CDH18: variants seen among roughly 807,000 people sequenced by gnomAD.
CDH18 encodes cadherin 18, also known as cadherin-18.
A neutral mutation model predicts 67.9 loss-of-function variants in CDH18; 31 were observed. The ratio of observed to expected loss-of-function variants is 0.46; its 90% CI spans 0.34 to 0.62. CDH18 has a LOEUF of 0.62. CDH18 is among the 20% of genes least tolerant of loss of function. CDH18 has a pLI of 0.01. For synonymous variants in CDH18, 362 were observed against 347.2 expected (o/e 1.04, Z -0.48); for missense variants, 890 against 975.5 (o/e 0.91, Z 1.17).
intron 8 of CDH18, among the ~76,000 whole-genome samples, chr5:19,560,448 G>A (rs530747469): frequency 6.6e-6 from 1 of 152,182 alleles, no homozygotes; most frequent in South Asian, 2.1e-4. Context: ...TGGGATAACT[G>A]GCAAGCCACA....
At position 20,553,593 on chromosome 5, in the gene CDH18, G is replaced by C. The variant is rs1326345876; in HGVS notation, c.-580+21869C>G. On this transcript the variant is annotated intron_variant, in intron 1 of 14. Transcript: ENST00000507958. ...ACTTTAACCATGTTCCCAGGAAGAT[G>C]GACTACAGATTAGATGTCCCATGTA... Among the ~76,000 whole-genome samples the C allele has an allele frequency of 2.6e-5, 4 of 152,274 alleles. No homozygotes were observed. The East Asian group carries it at 7.7e-4, about 29-fold the overall frequency.
At chr5:20,236,082 A>G (rs1742453140) in intron 2 of CDH18, among the ~76,000 whole-genome samples, 1 of 152,076 alleles carries the variant, frequency 6.6e-6, no homozygotes, top group Non-Finnish European at 1.5e-5. Context: ...GTCATACAAG[A>G]GGTGAGGAGG....
Position 19,833,801 on chromosome 5 carries a change from C to T in CDH18, c.228+4958G>A, listed in dbSNP as rs1466451311. Reference sequence around the variant, plus strand: ...AATCATGTGGTGTTTCTCTTTGGTTCTGTTTATGTGATGGATTACATTTAT... The same window carrying T: ...AATCATGTGGTGTTTCTCTTTGGTTTTGTTTATGTGATGGATTACATTTAT... On this transcript the variant is annotated intron_variant, in intron 3 of 12. Transcript: ENST00000382275. Among the ~76,000 whole-genome samples the T allele has an allele frequency of 2.6e-5, 4 of 152,160 alleles. No individual in the cohort carries two copies. In the East Asian group the frequency reaches 7.7e-4, roughly 29 times the overall value.
At chr5:20,086,163 T>C (rs187842862) in intron 2 of CDH18, among the ~76,000 whole-genome samples, 1 of 152,326 alleles carries the variant, frequency 6.6e-6, no homozygotes, top group African/African-American at 2.4e-5. Flanking sequence ...TTGGTCTTGA[T>C]AGATGATCAA....
At chr5:20,511,395 A>G (rs1297546094) in intron 1 of CDH18, among the ~76,000 whole-genome samples, 1 of 152,300 alleles carries the variant, frequency 6.6e-6, no homozygotes, top group East Asian at 1.9e-4. Context: ...CCTTCTCATA[A>G]TAAGATAAAC....
chr5:19,645,892 G>T (rs1754662710), intron 5 of CDH18, among the ~76,000 whole-genome samples: 2 of 152,108 alleles, frequency 1.3e-5, no homozygotes, highest in Non-Finnish European at 2.9e-5. Context: ...TAGATGAATA[G>T]AAATAATATC....
intron 9 of CDH18, among the ~76,000 whole-genome samples, chr5:19,541,107 C>T (rs1750199497): frequency 6.6e-6 from 1 of 152,148 alleles, no homozygotes; most frequent in African/African-American, 2.4e-5. Flanking sequence ...TTCCACAGAT[C>T]TCTAGGGCAG....
Position 19,472,410 on chromosome 5 carries a change from T to C in CDH18, c.*816A>G, listed in dbSNP as rs1334582681. Reference sequence around the variant, plus strand: ...CCAACATTTGGTAGAAGATAAGGTGTGTGGCTATTTTTAAAATTAAATTAT... The same window carrying C: ...CCAACATTTGGTAGAAGATAAGGTGCGTGGCTATTTTTAAAATTAAATTAT... On this transcript the variant is annotated 3_prime_UTR_variant, in exon 13 of 13. Coordinates refer to ENST00000382275, the MANE Select transcript of CDH18 (RefSeq NM_004934.5). Among the ~76,000 whole-genome samples, 1 of 152,058 alleles carries C rather than the reference T, an allele frequency of 6.6e-6. No individual in the cohort carries two copies. Among genetic ancestry groups the C allele is most frequent in the Admixed American group, 6.6e-5 (1 of 15,244 alleles).
At chr5:19,901,996 T>C (rs1391935941) in intron 2 of CDH18, among the ~76,000 whole-genome samples, 2 of 152,142 alleles carry the variant, frequency 1.3e-5, no homozygotes, top group Non-Finnish European at 2.9e-5. Flanking sequence ...TTACCTTAAA[T>C]AACTCTACCA....
At chr5:19,580,949 A>C (rs1743149995) in intron 7 of CDH18, among the ~76,000 whole-genome samples, 1 of 151,992 alleles carries the variant, frequency 6.6e-6, no homozygotes, top group African/African-American at 2.4e-5. Context: ...TCATCTTTTC[A>C]AGTATTTATT....
rs192902255 is a variant in CDH18 at position 20,437,322 on chromosome 5, A to G, written c.-580+138140T>C. Reference sequence around the variant, plus strand: ...TAATTACTATATGTAACTTGATAGAATAAAATAGACTCTTGCTTTAAAAAA... The same window carrying G: ...TAATTACTATATGTAACTTGATAGAGTAAAATAGACTCTTGCTTTAAAAAA... On this transcript the variant is annotated intron_variant, in intron 1 of 14. Transcript: ENST00000507958. 2.0e-3 allele frequency among the ~76,000 whole-genome samples: 303 copies of G among 151,480 alleles called. 9 individuals are homozygous for G. Among genetic ancestry groups the G allele is most frequent in the African/African-American group, 6.6e-3 (273 of 41,234 alleles).
intron 3 of CDH18, among the ~76,000 whole-genome samples, chr5:19,829,695 A>C (rs1263833934): frequency 1.3e-5 from 2 of 152,252 alleles, no homozygotes; most frequent in Non-Finnish European, 2.9e-5. Context: ...CATTCTTCAC[A>C]GAATTTGCAA....
intron 1 of CDH18, among the ~76,000 whole-genome samples, chr5:20,404,351 CA>C (rs1181240003): frequency 6.6e-6 from 1 of 152,164 alleles, no homozygotes; most frequent in Non-Finnish European, 1.5e-5. Context: ...CTCTTTGATG[CA>C]AAAGGCCTAG....
In CDH18 at chr5:20,344,683, A is replaced by G. The variant is rs1740558233; in HGVS notation, c.-579-89178T>C. Among the ~76,000 whole-genome samples the G allele has an allele frequency of 2.6e-5, 4 of 152,062 alleles. No homozygotes were observed. In the South Asian group the frequency reaches 8.3e-4, roughly 32 times the overall value. ...TCAAAGGACCTCAGAAAAATGTCTCAAGAAACTCATTTCCCTCAGGTCACT... is the reference window on the plus strand; with the variant it reads ...TCAAAGGACCTCAGAAAAATGTCTCGAGAAACTCATTTCCCTCAGGTCACT... On this transcript the variant is annotated intron_variant, in intron 1 of 14. Transcript: ENST00000507958.
chr5:19,937,637 A>T (rs1355525570), intron 2 of CDH18, among the ~76,000 whole-genome samples: 1 of 151,326 alleles, frequency 6.6e-6, no homozygotes, highest in East Asian at 1.9e-4. Flanking sequence ...AGAAAGTATA[A>T]CCGAACAATA....
chr5:19,986,414 T>C (rs1293215703), intron 1 of CDH18, among the ~76,000 whole-genome samples: 1 of 152,228 alleles, frequency 6.6e-6, no homozygotes, highest in East Asian at 1.9e-4. Flanking sequence ...GTTGCATGTA[T>C]AATAGCCAAT....
chr5:20,481,630 A>T (rs1752818004), intron 1 of CDH18, among the ~76,000 whole-genome samples: 1 of 152,198 alleles, frequency 6.6e-6, no homozygotes, highest in African/African-American at 2.4e-5. Context: ...GAAATAAATT[A>T]TAAATGAATA....
intron 2 of CDH18, among the ~76,000 whole-genome samples, chr5:19,976,517 T>C (rs573314346): frequency 1.4e-4 from 22 of 152,128 alleles, no homozygotes; most frequent in Admixed American, 2.6e-4. Context: ...GGAAGAAATA[T>C]GGACTTAGTC....
At chr5:19,696,291 C>T (rs994903440) in intron 5 of CDH18, among the ~76,000 whole-genome samples, 1 of 150,606 alleles carries the variant, frequency 6.6e-6, no homozygotes, top group South Asian at 2.1e-4. Context: ...TCTTGCTCTG[C>T]TGCCCAGGCT....
Sources: gnomAD v4.1 joint callset for allele counts (sites outside exome capture counted in the v4.1 genomes callset) on GRCh38, gnomAD v4.1.1 for gene constraint, MANE v1.5 for transcripts, NCBI Gene and HGNC (gene_info 2026-07-23, HGNC 2026-07-21) for gene names.